Variants in PHACTR1 observed in about 807,000 individuals in gnomAD.
PHACTR1 encodes phosphatase and actin regulator 1, also known as RPEL repeat containing 1.
In PHACTR1, 16 loss-of-function variants were observed where a neutral mutation model predicts 69.2. The ratio of observed to expected loss-of-function variants is 0.23; its 90% CI spans 0.16 to 0.35. The LOEUF (loss-of-function observed/expected upper bound fraction) is 0.35. Among genes scored for constraint, PHACTR1 ranks in the 10% least tolerant of loss-of-function variants. PHACTR1 has a pLI of 1.00. For synonymous variants in PHACTR1, 312 were observed against 284.5 expected, an observed-to-expected ratio of 1.10 and a Z score of -0.97; for missense variants, 510 against 734.7, an observed-to-expected ratio of 0.69 and a Z score of 3.54.
chr6:12,809,695 T>C (rs530758369), intron 4 of PHACTR1, among the ~76,000 whole-genome samples: 2 of 152,318 alleles, frequency 1.3e-5, no homozygotes, highest in African/African-American at 4.8e-5. Context: ...AGCACAGGTG[T>C]CTTACTTAGA....
chr6:13,144,772 G>GAAAAA (rs11326657), intron 5 of PHACTR1, among the ~76,000 whole-genome samples: 2 of 18,634 alleles, frequency 1.1e-4, no homozygotes, highest in African/African-American at 1.9e-4. Flanking sequence ...CCCTGTCTCA[G>GAAAAA]AAAAAAAAAA....
At chr6:12,718,890 GTTTT>G in intron 3 of PHACTR1, 43 bp downstream of exon 3, 15 of 1,280,246 alleles carry the variant, frequency 1.2e-5, no homozygotes, top group Non-Finnish European at 1.5e-5. Flanking sequence ...TTGCACGTCG[GTTTT>G]ATATGAACAG....
intron 5 of PHACTR1, among the ~76,000 whole-genome samples, chr6:13,106,875 C>A (rs796658572): frequency 6.6e-6 from 1 of 152,042 alleles, no homozygotes; most frequent in Admixed American, 6.6e-5. Flanking sequence ...CTTGCATGAC[C>A]GTGATAAACA....
chr6:12,747,344 C>G (rs1194348702), intron 3 of PHACTR1, among the ~76,000 whole-genome samples: 1 of 152,018 alleles, frequency 6.6e-6, no homozygotes, highest in Non-Finnish European at 1.5e-5. Flanking sequence ...TCTTCTCTCC[C>G]TCCCTCTCTT....
chr6:12,722,409 A>C (rs1762241101), intron 3 of PHACTR1, among the ~76,000 whole-genome samples: 1 of 152,228 alleles, frequency 6.6e-6, no homozygotes, highest in Non-Finnish European at 1.5e-5. Flanking sequence ...GTCATGTGCA[A>C]AATCTTTATC....
At chr6:12,835,877 T>C (rs931066584) in intron 4 of PHACTR1, among the ~76,000 whole-genome samples, 1 of 152,166 alleles carries the variant, frequency 6.6e-6, no homozygotes, top group South Asian at 2.1e-4. Flanking sequence ...TACTTAAAGA[T>C]AACTGCAAAT....
intron 7 of PHACTR1, among the ~76,000 whole-genome samples, chr6:13,188,793 C>T (rs1763131185): frequency 6.6e-6 from 1 of 152,270 alleles, no homozygotes; most frequent in South Asian, 2.1e-4. Context: ...CCTCCTCCAA[C>T]ATCAACCATG....
At position 12,901,581 on chromosome 6, in the gene PHACTR1, G is replaced by A. The variant is rs1350257839; in HGVS notation, c.251-151784G>A. 4.6e-5 allele frequency among the ~76,000 whole-genome samples: 7 copies of A among 152,044 alleles called. No individual in the cohort carries two copies. The South Asian group carries it at 6.2e-4, about 14-fold the overall frequency. On this transcript the variant is annotated intron_variant, in intron 4 of 14. Transcript: ENST00000332995. Reference sequence around the variant, plus strand: ...ACAATCTTGGCTCACTGCAACCTCCGCCTCCTGGGTTCAAGCAATTCTCCT... The same window carrying A: ...ACAATCTTGGCTCACTGCAACCTCCACCTCCTGGGTTCAAGCAATTCTCCT...
At chr6:12,766,411 A>G (rs1768618681) in intron 4 of PHACTR1, among the ~76,000 whole-genome samples, 1 of 152,194 alleles carries the variant, frequency 6.6e-6, no homozygotes, top group African/African-American at 2.4e-5. Flanking sequence ...GAGGTCCATA[A>G]GAAGAGAAAA....
intron 4 of PHACTR1, among the ~76,000 whole-genome samples, chr6:12,933,054 G>A (rs1335764425): frequency 6.6e-6 from 1 of 150,958 alleles, no homozygotes. Flanking sequence ...TACTGCCTCA[G>A]CCTCCCAAGT....
chr6:13,046,380 A>T (rs1260143715), intron 4 of PHACTR1, among the ~76,000 whole-genome samples: 1 of 152,164 alleles, frequency 6.6e-6, no homozygotes, highest in Non-Finnish European at 1.5e-5. Context: ...CTCAGCCAGT[A>T]TCAGTGTCCA....
intron 5 of PHACTR1, among the ~76,000 whole-genome samples, chr6:13,124,834 A>G (rs990468557): frequency 6.6e-6 from 1 of 152,210 alleles, no homozygotes; most frequent in Non-Finnish European, 1.5e-5. Context: ...TCTTCTTATA[A>G]GTATGTCTAT....
chr6:13,155,968 G>T (rs1758113813), intron 5 of PHACTR1, among the ~76,000 whole-genome samples: 1 of 151,822 alleles, frequency 6.6e-6, no homozygotes, highest in Admixed American at 6.6e-5. Flanking sequence ...ACTTTACTAT[G>T]ACTTTCAACC....
At chr6:13,282,651 A>C (rs564905739) in intron 12 of PHACTR1, among the ~76,000 whole-genome samples, 1 of 152,288 alleles carries the variant, frequency 6.6e-6, no homozygotes, top group South Asian at 2.1e-4. Flanking sequence ...GAGTTTGCAT[A>C]CCATTTGCAC....
chr6:12,983,398 G>T (rs144491439), intron 4 of PHACTR1, among the ~76,000 whole-genome samples: 2 of 152,222 alleles, frequency 1.3e-5, no homozygotes, highest in East Asian at 3.9e-4. Flanking sequence ...AGTAGAGGGC[G>T]GGAAGAGCAC....
intron 4 of PHACTR1, among the ~76,000 whole-genome samples, chr6:12,927,896 G>A (rs532141076): frequency 3.3e-5 from 5 of 152,168 alleles, no homozygotes; most frequent in African/African-American, 7.2e-5. Flanking sequence ...TTATCCTCCC[G>A]GCAGGTTAGC....
intron 10 of PHACTR1, among the ~76,000 whole-genome samples, chr6:13,262,908 T>G (rs16873911): frequency 0.053 from 8,013 of 152,296 alleles, 620 homozygotes; most frequent in African/African-American, 0.18. Flanking sequence ...TGTCCTGAAA[T>G]GCAGATACAG....
rs113451728 is a variant in PHACTR1 at position 12,908,333 on chromosome 6, G to T, written c.251-145032G>T. 3.6e-3 allele frequency among the ~76,000 whole-genome samples: 542 copies of T among 152,266 alleles called. 3 individuals are homozygous for T. Among genetic ancestry groups the T allele is most frequent in the African/African-American group, 0.012 (490 of 41,546 alleles). On this transcript the variant is annotated intron_variant, in intron 4 of 14. Transcript: ENST00000332995. ...AGAAAATAAACCGAAATTAAAAATA[G>T]AATTGGACAATAATATGGAGACTGC...
At chr6:12,792,790 A>C (rs1337047209) in intron 4 of PHACTR1, among the ~76,000 whole-genome samples, 1 of 150,352 alleles carries the variant, frequency 6.7e-6, no homozygotes, top group Non-Finnish European at 1.5e-5. Flanking sequence ...ATAGAGCTGT[A>C]GATTCTTCAA....
Sources: gnomAD v4.1 joint callset for allele counts (sites outside exome capture counted in the v4.1 genomes callset) on GRCh38, gnomAD v4.1.1 for gene constraint, MANE v1.5 for transcripts, NCBI Gene and HGNC (gene_info 2026-07-23, HGNC 2026-07-21) for gene names.